Variants in INPP4A observed in about 807,000 individuals in gnomAD.
The protein encoded by INPP4A is inositol polyphosphate-4-phosphatase type I A, also known as inositol polyphosphate-4-phosphatase, type I, 107kD.
A neutral mutation model predicts 119.8 loss-of-function variants in INPP4A; 33 were observed. The ratio of observed to expected loss-of-function variants is 0.28; its 90% CI spans 0.21 to 0.37. The LOEUF (loss-of-function observed/expected upper bound fraction) is 0.37. Ranked by LOEUF, INPP4A falls within the 10% of genes least tolerant of loss-of-function variation. The probability of loss-of-function intolerance (pLI) is 1.00; values close to 1 mark genes in which losing one functional copy is unlikely to be tolerated. For missense variants in INPP4A, 956 were observed against 1,289.9 expected, an observed-to-expected ratio of 0.74 and a Z score of 3.97; for synonymous variants, 496 against 500.7, an observed-to-expected ratio of 0.99 and a Z score of 0.12.
chr2:98,587,396 C>A, intron 24 of INPP4A, 80 bp from the exon 25 acceptor site: 2 of 1,288,120 alleles, frequency 1.6e-6, no homozygotes, highest in Non-Finnish European at 2.1e-6. Context: ...TGAAAATGAT[C>A]AGTTCATTTC....
intron 1 of INPP4A, among the ~76,000 whole-genome samples, chr2:98,517,711 G>A (rs367951085): frequency 8.5e-5 from 13 of 152,276 alleles, no homozygotes; most frequent in African/African-American, 3.1e-4. Flanking sequence ...CTATAGCTGG[G>A]CATTTGGATT....
chr2:98,554,409 G>T lies in INPP4A; in HGVS notation c.1486G>T (p.Asp496Tyr). The stretch of plus-strand genomic sequence containing the variant: ...GGAGGAGCAGGTGATGCTTAGAAAT[G>T]ACCAGGACACCCTCATGGCCCGGTG... ...TEEEQVMLRN[D>Y]QDTLMARWTG... The change falls in exon 15 of 25, where the codon GAC becomes TAC. Residue 496 changes from aspartate to tyrosine, a missense_variant. By Grantham distance (160) the Asp-to-Tyr change is radical. Coordinates refer to ENST00000409851, the MANE Select transcript of INPP4A (RefSeq NM_001134225.2). This position sits in a 1 kb window ranked among gnomAD's most constrained non-coding sequence, Gnocchi z 4.7. 6.2e-7 allele frequency: 1 copy of T among 1,613,930 alleles called. No individual in the cohort carries two copies. Among genetic ancestry groups the T allele is most frequent in the South Asian group, 1.1e-5 (1 of 91,002 alleles).
At chr2:98,581,645 A>C in intron 24 of INPP4A, 1 of 1,589,768 alleles carries the variant, frequency 6.3e-7, no homozygotes, top group Non-Finnish European at 8.6e-7. Flanking sequence ...ACTTAAGGCT[A>C]GACCCCAGCC....
chr2:98,550,644 C>G (rs138738226), intron 13 of INPP4A, among the ~76,000 whole-genome samples: 296 of 152,328 alleles, frequency 1.9e-3, no homozygotes, highest in African/African-American at 6.9e-3. Context: ...ATGTGGCTGC[C>G]TGGTTTTTAA....
intron 1 of INPP4A, among the ~76,000 whole-genome samples, chr2:98,449,446 A>G (rs900078007): frequency 1.3e-5 from 2 of 152,148 alleles, no homozygotes; most frequent in African/African-American, 4.8e-5. Context: ...AAATTATCCT[A>G]GATTTGGCCA....
At chr2:98,488,608 A>G (rs17020532) in intron 1 of INPP4A, among the ~76,000 whole-genome samples, 4,724 of 152,304 alleles carry the variant, frequency 0.031, 268 homozygotes, top group African/African-American at 0.11. Flanking sequence ...GATCTTGAAT[A>G]AATGAGTTCT....
chr2:98,584,301 C>T (rs1203094393), intron 24 of INPP4A, among the ~76,000 whole-genome samples: 1 of 152,250 alleles, frequency 6.6e-6, no homozygotes, highest in Non-Finnish European at 1.5e-5. Context: ...ACACAGCTTC[C>T]TGGTCCTGCT....
intron 1 of INPP4A, among the ~76,000 whole-genome samples, chr2:98,495,852 A>G (rs1034258912): frequency 1.3e-5 from 2 of 152,196 alleles, no homozygotes; most frequent in African/African-American, 4.8e-5. Flanking sequence ...CCGGGTCAGG[A>G]AAAAGACCTG....
intron 1 of INPP4A, among the ~76,000 whole-genome samples, chr2:98,461,870 T>G (rs774353579): frequency 2.0e-5 from 3 of 152,220 alleles, no homozygotes; most frequent in Non-Finnish European, 4.4e-5. Flanking sequence ...GTGCTGCAGA[T>G]TCTTCAACCA....
intron 1 of INPP4A, among the ~76,000 whole-genome samples, chr2:98,472,169 G>T (rs1288787730): frequency 2.6e-5 from 4 of 152,210 alleles, no homozygotes; most frequent in African/African-American, 7.2e-5. Flanking sequence ...GTCCACATGG[G>T]TGGAGACCTA....
At chr2:98,450,328 A>G (rs564028509) in intron 1 of INPP4A, among the ~76,000 whole-genome samples, 2 of 152,354 alleles carry the variant, frequency 1.3e-5, no homozygotes, top group Non-Finnish European at 2.9e-5. Context: ...AAGCTTTTCA[A>G]TGAGGGATAA....
At chr2:98,488,869 G>C (rs1162441389) in intron 1 of INPP4A, among the ~76,000 whole-genome samples, 1 of 151,920 alleles carries the variant, frequency 6.6e-6, no homozygotes, top group East Asian at 1.9e-4. Context: ...TTCAAGCACA[G>C]AGGACTGAAT....
rs1468534853 is a variant in INPP4A, at chr2:98,450,233, A to AT, written c.-166+5149dup. Among the ~76,000 whole-genome samples, 5 of 152,154 alleles carry AT rather than the reference A, an allele frequency of 3.3e-5. No homozygotes were observed. The East Asian group carries it at 5.8e-4, about 18-fold the overall frequency. Reference sequence around the variant, plus strand: ...TGTGGTGTTGAGGAGTGGTTAGAGCATCCCCCGAGGGTAGTTAAAAGAGGC... The same window carrying AT: ...TGTGGTGTTGAGGAGTGGTTAGAGCATTCCCCCGAGGGTAGTTAAAAGAGGC... On this transcript the variant is annotated intron_variant, in intron 1 of 24. Transcript: ENST00000409851.
In INPP4A at chr2:98,552,928, G is replaced by T. The variant is rs762533272; in HGVS notation, c.1306G>T (p.Ala436Ser). 1 of 1,613,374 alleles carries T rather than the reference G, an allele frequency of 6.2e-7. No homozygotes were observed. The highest frequency in any genetic ancestry group is 2.2e-5 in the East Asian group (1 of 44,880). ...GTCAAGGGCAGCCAAGGACAGGTCT[G>T]CCACTGGCCTTGAGAGGACACTCGC... Reference protein sequence around the residue: ...RLSRAAKDRSATGLERTLAIL... With the variant: ...RLSRAAKDRSSTGLERTLAIL... Residue 436 changes from alanine to serine, a missense_variant, in exon 14 of 25, where the codon GCC (alanine) becomes TCC (serine). Physicochemically the swap from Ala to Ser is moderately conservative, Grantham distance 99. Around this residue, in one of 2 missense-constraint regions of INPP4A, gnomAD observed 652 missense variants for 797.9 expected, o/e 0.82. Coordinates refer to ENST00000409851, the MANE Select transcript of INPP4A (RefSeq NM_001134225.2).
At chr2:98,541,065 C>T (rs1472145194) in intron 10 of INPP4A, among the ~76,000 whole-genome samples, 13 of 152,200 alleles carry the variant, frequency 8.5e-5, no homozygotes, top group African/African-American at 2.7e-4. Flanking sequence ...CAGTGGCTCA[C>T]GCCTGTAATC....
intron 1 of INPP4A, among the ~76,000 whole-genome samples, chr2:98,463,217 CAT>C (rs1673974861): frequency 6.6e-6 from 1 of 152,246 alleles, no homozygotes; most frequent in Admixed American, 6.5e-5. Context: ...GTTTCAGGTA[CAT>C]TGGCTCTGTT....
At chr2:98,490,778 A>G (rs1366401432) in intron 1 of INPP4A, among the ~76,000 whole-genome samples, 1 of 152,170 alleles carries the variant, frequency 6.6e-6, no homozygotes, top group Non-Finnish European at 1.5e-5. Context: ...GCTGGTGGGG[A>G]TGGAGATCCT....
At chr2:98,491,340 G>A (rs2105236713) in intron 1 of INPP4A, among the ~76,000 whole-genome samples, 1 of 152,356 alleles carries the variant, frequency 6.6e-6, no homozygotes, top group South Asian at 2.1e-4. Flanking sequence ...TAGGGCCTGG[G>A]GAGCAGAAAG....
At chr2:98,456,680 A>G in intron 1 of INPP4A, among the ~76,000 whole-genome samples, 1 of 152,140 alleles carries the variant, frequency 6.6e-6, no homozygotes, top group East Asian at 1.9e-4. Flanking sequence ...TTCTGGAAAC[A>G]CTGCAGAGAC....
Sources: gnomAD v4.1 joint callset for allele counts (sites outside exome capture counted in the v4.1 genomes callset) on GRCh38, gnomAD v4.1.1 for gene constraint, gnomAD v4.1.1 regional missense constraint, Gnocchi (gnomAD v3.1) non-coding constraint, MANE v1.5 for transcripts, NCBI Gene and HGNC (gene_info 2026-07-23, HGNC 2026-07-21) for gene names.